Variants in DYNAP observed in about 807,000 individuals in gnomAD.
The protein encoded by DYNAP is dynactin associated protein, also known as dynactin-associated protein.
DYNAP carries 7 observed loss-of-function variants against 8.5 expected under a neutral mutation model. The observed-to-expected ratio is 0.82, with a 90% CI of 0.47 to 1.54. The LOEUF is 1.54. Among genes scored for constraint, DYNAP ranks in the 40% most tolerant of loss-of-function variants. The pLI, the probability that DYNAP is intolerant of heterozygous loss-of-function variation, is 0.01. For synonymous variants in DYNAP, 77 were observed against 77.9 expected (o/e 0.99, Z 0.06); for missense variants, 256 against 224.3 (o/e 1.14, Z -0.90).
intron 2 of DYNAP, among the ~76,000 whole-genome samples, chr18:54,595,519 T>C (rs1380541313): frequency 2.0e-5 from 3 of 152,128 alleles, no homozygotes; most frequent in Non-Finnish European, 4.4e-5. Flanking sequence ...GGCGATCACC[T>C]TATTTTCTTA....
chr18:54,593,962 A>G (rs1250548318), intron 1 of DYNAP, among the ~76,000 whole-genome samples: 1 of 151,828 alleles, frequency 6.6e-6, no homozygotes, highest in Non-Finnish European at 1.5e-5. Flanking sequence ...AAAACAAAAA[A>G]CTTTTCCACA....
chr18:54,591,019 G>A (rs1376995451), upstream of DYNAP: 20 of 457,240 alleles, frequency 4.4e-5, no homozygotes, highest in Non-Finnish European at 5.6e-5. Context: ...AATAATGTAA[G>A]GTTTTCAGAG....
the DYNAP span, among the ~76,000 whole-genome samples, chr18:54,575,842 C>T: frequency 7.9e-5 from 12 of 151,954 alleles, no homozygotes; most frequent in African/African-American, 2.4e-4. Context: ...CACACGTGCC[C>T]GTCACCCACA....
At chr18:54,596,853 T>C (rs539014038) in intron 2 of DYNAP, among the ~76,000 whole-genome samples, 32 of 152,258 alleles carry the variant, frequency 2.1e-4, no homozygotes, top group African/African-American at 7.2e-4. Context: ...GTCCTAGGGC[T>C]AACTTGATCT....
At chr18:54,580,109 C>T in the DYNAP span, among the ~76,000 whole-genome samples, 1 of 152,202 alleles carries the variant, frequency 6.6e-6, no homozygotes, top group Admixed American at 6.5e-5. Context: ...TTCAGCTGCA[C>T]TGAATGATAT....
chr18:54,582,984 T>A (rs1910769262), upstream of DYNAP, among the ~76,000 whole-genome samples: 1 of 152,198 alleles, frequency 6.6e-6, no homozygotes, highest in Admixed American at 6.5e-5. Flanking sequence ...CCATCAACGC[T>A]TTTTAATACA....
chr18:54,588,480 C>T (rs1486244323), upstream of DYNAP, among the ~76,000 whole-genome samples: 1 of 152,136 alleles, frequency 6.6e-6, no homozygotes, highest in African/African-American at 2.4e-5. Flanking sequence ...GCTGGGATTA[C>T]AGGTGTGAGC....
At chr18:54,577,576 TA>T in the DYNAP span, among the ~76,000 whole-genome samples, 13 of 41,370 alleles carry the variant, frequency 3.1e-4, no homozygotes, top group East Asian at 5.3e-4. Context: ...AGACCTTATC[TA>T]AAAAAAAAAT....
At chr18:54,576,799 TCCC>T in the DYNAP span, among the ~76,000 whole-genome samples, 1 of 90,706 alleles carries the variant, frequency 1.1e-5, no homozygotes, top group African/African-American at 4.9e-5. Flanking sequence ...TGAGATCTTA[TCCC>T]AACAACAACA....
At chr18:54,590,605 C>G (rs193022091), upstream of DYNAP, among the ~76,000 whole-genome samples, 726 of 152,256 alleles carry the variant, frequency 4.8e-3, 6 homozygotes, top group African/African-American at 0.015. Flanking sequence ...AGTATTCTCA[C>G]TTGTTGAGTG....
intron 1 of DYNAP, among the ~76,000 whole-genome samples, chr18:54,593,683 G>A (rs901706570): frequency 6.6e-6 from 1 of 151,966 alleles, no homozygotes; most frequent in Non-Finnish European, 1.5e-5. Context: ...CCAGCACCTT[G>A]GGAGGGCAGA....
chr18:54,598,451 G>A lies in DYNAP; in HGVS notation c.*306G>A, dbSNP rs987853816. ...TACTGTAACTTCTACTTAGCCTACA[G>A]TAACAATGCTCATCACTCTTTTCCA... On this transcript the variant is annotated 3_prime_UTR_variant, in exon 3 of 3. Coordinates refer to ENST00000648945, the MANE Select transcript of DYNAP (RefSeq NM_173629.3). The A allele has an allele frequency of 6.9e-6, 2 of 288,112 alleles. No individual in the cohort carries two copies. The highest frequency in any genetic ancestry group is 2.1e-5 in the African/African-American group (1 of 47,232). The allele number at this position is 288,112 out of a possible 1,614,324, so 17.8% of individuals were successfully genotyped here. A position where few individuals can be genotyped will look rare whatever the true frequency, so the allele number is the denominator to read the frequency against.
intron 1 of DYNAP, among the ~76,000 whole-genome samples, chr18:54,592,501 A>T (rs1911121884): frequency 6.6e-6 from 1 of 152,128 alleles, no homozygotes; most frequent in Non-Finnish European, 1.5e-5. Flanking sequence ...GTATTTGAAG[A>T]TTATAAACAC....
At chr18:54,577,030 G>T in the DYNAP span, among the ~76,000 whole-genome samples, 6 of 152,120 alleles carry the variant, frequency 3.9e-5, no homozygotes, top group African/African-American at 1.4e-4. Context: ...GTATATGTTT[G>T]TAGTAGCTAA....
Position 54,597,972 on chromosome 18 carries a change from G to GA in DYNAP, c.383dup (p.Asp128GlufsTer33), listed in dbSNP as rs1163191204. On this transcript the variant is annotated frameshift_variant, in exon 3 of 3. Coordinates refer to ENST00000648945, the MANE Select transcript of DYNAP (RefSeq NM_173629.3). LOFTEE classifies it low-confidence loss of function (END_TRUNC). ...CATTGTTATCCAGCTATCCACAAAT[G>GA]ATGGAGAGTGTGTGACTGTCAAACC... 1.2e-6 allele frequency: 2 copies of GA among 1,613,556 alleles called. No individual in the cohort carries two copies. Among genetic ancestry groups the GA allele is most frequent in the Non-Finnish European group, 1.7e-6 (2 of 1,179,760 alleles).
chr18:54,575,882 A>G, the DYNAP span, among the ~76,000 whole-genome samples: 1 of 152,270 alleles, frequency 6.6e-6, no homozygotes, highest in African/African-American at 2.4e-5. Context: ...CAGTACCTCA[A>G]CAATTTCCTC....
At chr18:54,595,470 A>G (rs1179504963) in intron 2 of DYNAP, among the ~76,000 whole-genome samples, 1 of 152,096 alleles carries the variant, frequency 6.6e-6, no homozygotes, top group Non-Finnish European at 1.5e-5. Flanking sequence ...CTCTGATGGG[A>G]GACTGTCATA....
upstream of DYNAP, among the ~76,000 whole-genome samples, chr18:54,584,063 G>A (rs1910799353): frequency 1.3e-5 from 2 of 151,818 alleles, no homozygotes. Flanking sequence ...CCATACACAT[G>A]AGCAAGGTTA....
At chr18:54,586,539 A>C (rs559752552), upstream of DYNAP, among the ~76,000 whole-genome samples, 1 of 152,314 alleles carries the variant, frequency 6.6e-6, no homozygotes, top group East Asian at 1.9e-4. Flanking sequence ...GAATCTTGAT[A>C]CATGTCATCA....
Sources: allele counts gnomAD v4.1 joint callset (sites outside exome capture counted in the v4.1 genomes callset), GRCh38; gene constraint gnomAD v4.1.1; transcripts MANE v1.5; gene names NCBI Gene and HGNC (gene_info 2026-07-23, HGNC 2026-07-21).